Variants in NAGK observed in about 807,000 individuals in gnomAD.
NAGK encodes N-acetylglucosamine kinase, also known as N-acetyl-D-glucosamine kinase.
NAGK carries 35 observed loss-of-function variants against 42.9 expected under a neutral mutation model. The observed-to-expected ratio is 0.82, with a 90% CI of 0.62 to 1.08. The LOEUF is 1.08. Among genes scored for constraint, NAGK ranks in the 50% least tolerant of loss-of-function variants. NAGK has a pLI of 0.00. For missense variants in NAGK, 446 were observed against 446.0 expected, an observed-to-expected ratio of 1.00 and a Z score of 0.00; for synonymous variants, 172 against 176.0, an observed-to-expected ratio of 0.98 and a Z score of 0.18.
chr2:71,077,409 T>G (rs1250539150), intron 8 of NAGK, 149 bp from the exon 9 acceptor site: 1 of 621,630 alleles, frequency 1.6e-6, no homozygotes. Context: ...TTTTCCTCCC[T>G]TTTTTTTTCC....
chr2:71,077,509 C>T (rs1263373034), intron 8 of NAGK, 49 bp from the exon 9 acceptor site: 1 of 1,551,614 alleles, frequency 6.4e-7, no homozygotes, highest in Non-Finnish European at 8.8e-7. Flanking sequence ...GCCTTCAGCA[C>T]TGGAGAGGCT....
chr2:71,078,525 C>G lies in NAGK; in HGVS notation c.*17C>G. On this transcript the variant is annotated 3_prime_UTR_variant, in exon 10 of 10. Coordinates refer to ENST00000244204, the MANE Select transcript of NAGK (RefSeq NM_017567.6). ...TTTTCCTAGGGGGCTGGTCCCGGCT[C>G]CACCCCCTCCAAGCTCAGTGGACAC... 6.7e-7 allele frequency: 1 copy of G among 1,500,960 alleles called. No individual in the cohort carries two copies. The highest frequency in any genetic ancestry group is 2.5e-5 in the East Asian group (1 of 40,190). 93.0% of individuals were successfully genotyped at this position (1,500,960 alleles called of 1,614,324 possible).
chr2:71,077,616 G>C lies in NAGK; in HGVS notation c.824G>C (p.Ser275Thr), dbSNP rs938332289. The C allele has an allele frequency of 2.5e-6, 4 of 1,607,342 alleles. No homozygotes were observed. The highest frequency in any genetic ancestry group is 3.4e-6 in the Non-Finnish European group (4 of 1,177,004). Residue 275 changes from serine to threonine, a missense_variant, in exon 9 of 10, where the codon AGC becomes ACC. By Grantham distance (58) the Ser-to-Thr change is moderately conservative. Transcript: ENST00000244204. The part of the protein sequence containing the change: ...PILCVGSVWK[S>T]WELLKEGFLL... ...CTGTGCGTGGGCTCTGTGTGGAAGAGCTGGGAGCTGCTGAAGGAAGGTGAG... is the reference window on the plus strand; with the variant it reads ...CTGTGCGTGGGCTCTGTGTGGAAGACCTGGGAGCTGCTGAAGGAAGGTGAG...
intron 8 of NAGK, among the ~76,000 whole-genome samples, chr2:71,077,356 T>C (rs1000745863): frequency 6.6e-6 from 1 of 152,216 alleles, no homozygotes; most frequent in Non-Finnish European, 1.5e-5. Context: ...GCTTAACGCT[T>C]TTTCCTTCCT....
At position 71,077,604 on chromosome 2, in the gene NAGK, C is replaced by T. The variant is rs780069263; in HGVS notation, c.812C>T (p.Ser271Phe). 2.5e-6 allele frequency: 4 copies of T among 1,609,510 alleles called. No individual in the cohort carries two copies. In the Admixed American group the frequency reaches 6.7e-5, roughly 27 times the overall value. Residue 271 changes from serine to phenylalanine, a missense_variant, in exon 9 of 10, where the codon TCT becomes TTT. Coordinates refer to ENST00000244204, the MANE Select transcript of NAGK (RefSeq NM_017567.6). ...KIGLPILCVG[S>F]VWKSWELLKE... ...GGACTCCCCATCCTGTGCGTGGGCT[C>T]TGTGTGGAAGAGCTGGGAGCTGCTG...
intron 3 of NAGK, chr2:71,071,091 A>G: frequency 6.0e-6 from 3 of 502,036 alleles, no homozygotes; most frequent in Non-Finnish European, 7.3e-6. Flanking sequence ...GCTGCTCAGT[A>G]TCTGCGTAAC....
chr2:71,075,883 T>TA (rs1672193184), intron 7 of NAGK: 1 of 546,974 alleles, frequency 1.8e-6, no homozygotes, highest in Admixed American at 3.1e-5. Context: ...ATGGCTTGCT[T>TA]AGGCTGTATG....
At chr2:71,077,853 T>C (rs1672273855) in intron 9 of NAGK, among the ~76,000 whole-genome samples, 1 of 152,244 alleles carries the variant, frequency 6.6e-6, no homozygotes, top group Non-Finnish European at 1.5e-5. Flanking sequence ...AAAGATGTTG[T>C]GTTCCAAATG....
rs969035441 is a variant in NAGK at position 71,070,540 on chromosome 2, A to T, written c.68A>T (p.Asp23Val). 6.2e-7 allele frequency: 1 copy of T among 1,614,038 alleles called. No homozygotes were observed. The change falls in exon 2 of 10, where the codon GAT becomes GTT. Residue 23 changes from aspartate (D) to valine (V), a missense_variant. Coordinates refer to ENST00000244204, the MANE Select transcript of NAGK (RefSeq NM_017567.6). The stretch of plus-strand genomic sequence containing the variant: ...TCCGAGGTCCTTTTAGTCTCAGAGG[A>T]TGGGAAGATCCTGGCAGAAGCAGAT... ...TRSEVLLVSE[D>V]GKILAEADGL...
rs1159320949 is a variant in NAGK at position 71,070,498 on chromosome 2, G to T, written c.30-4G>T. 6.2e-7 allele frequency: 1 copy of T among 1,613,326 alleles called. No individual in the cohort carries two copies. The highest frequency in any genetic ancestry group is 8.5e-7 in the Non-Finnish European group (1 of 1,179,436). ...AAGATCAAGTGCCCTCTTGTGTTCT[G>T]TAGGGGAGGCACACGATCCGAGGTC... On this transcript the variant is annotated splice_polypyrimidine_tract_variant and splice_region_variant and intron_variant, in intron 1 of 9. Coordinates refer to ENST00000244204, the MANE Select transcript of NAGK (RefSeq NM_017567.6).
At chr2:71,071,558 A>C in intron 3 of NAGK, 128 bp from the exon 4 acceptor site, 1 of 1,289,262 alleles carries the variant, frequency 7.8e-7, no homozygotes, top group Non-Finnish European at 1.0e-6. Context: ...AGAAAGGAGG[A>C]CTGGGGCTGG....
Position 71,073,608 on chromosome 2 carries a change from T to A in NAGK, c.579+14T>A, listed in dbSNP as rs1447238229. 5.0e-6 allele frequency: 8 copies of A among 1,591,978 alleles called. No homozygotes were observed. Among genetic ancestry groups the A allele is most frequent in the Non-Finnish European group, 6.0e-6 (7 of 1,159,838 alleles). On this transcript the variant is annotated intron_variant, in intron 6 of 9. Transcript: ENST00000244204. Reference sequence around the variant, plus strand: ...CACTATTTCCAGGTACTCCTCCTGCTCCCAGTAAACATGCGCACCTGGGGT... The same window carrying A: ...CACTATTTCCAGGTACTCCTCCTGCACCCAGTAAACATGCGCACCTGGGGT...
intron 8 of NAGK, 93 bp from the exon 9 acceptor site, chr2:71,077,465 C>A: frequency 8.1e-7 from 1 of 1,236,092 alleles, no homozygotes; most frequent in Non-Finnish European, 1.2e-6. Flanking sequence ...GGGCGAGTAA[C>A]TGGGATAGAG....
intron 7 of NAGK, 71 bp downstream of exon 7, chr2:71,075,713 G>T (rs1403160451): frequency 1.1e-5 from 15 of 1,407,730 alleles, no homozygotes; most frequent in Non-Finnish European, 1.5e-5. Context: ...GATTGAGTGG[G>T]GTTCAGACAG....
At chr2:71,076,563 C>G (rs1243197792) in intron 7 of NAGK, 41 bp from the exon 8 acceptor site, 4 of 1,507,914 alleles carry the variant, frequency 2.7e-6, no homozygotes, top group Non-Finnish European at 3.7e-6. Flanking sequence ...GCAGCTCCCT[C>G]CTTTCTCACC....
intron 1 of NAGK, 45 bp downstream of exon 1, chr2:71,068,757 G>C: frequency 1.4e-6 from 2 of 1,445,414 alleles, no homozygotes; most frequent in East Asian, 5.9e-5. Context: ...AAGGCGGGGC[G>C]GAAGGCCGTG....
intron 4 of NAGK, 77 bp from the exon 5 acceptor site, chr2:71,072,564 C>T: frequency 8.0e-7 from 1 of 1,253,544 alleles, no homozygotes; most frequent in Non-Finnish European, 1.2e-6. Flanking sequence ...TGTTTTCTGT[C>T]CTGTCTTTCC....
chr2:71,072,135 G>T (rs1030869118), intron 4 of NAGK: 15 of 348,576 alleles, frequency 4.3e-5, no homozygotes, highest in African/African-American at 3.1e-4. Context: ...GGAGGAAGTG[G>T]GGTGGCCTTG....
intron 3 of NAGK, chr2:71,071,407 C>T (rs74890112): frequency 0.05 from 21,164 of 423,356 alleles, 2,676 homozygotes; most frequent in East Asian, 0.43. Flanking sequence ...CACCTTGCCC[C>T]GCTGCCTGAT....
Sources: gnomAD v4.1 joint callset for allele counts (sites outside exome capture counted in the v4.1 genomes callset) on GRCh38, gnomAD v4.1.1 for gene constraint, MANE v1.5 for transcripts, NCBI Gene and HGNC (gene_info 2026-07-23, HGNC 2026-07-21) for gene names.